Variants in SHISA9 observed in about 807,000 individuals in gnomAD.
SHISA9 encodes the protein shisa family member 9.
A neutral mutation model predicts 38.0 loss-of-function variants in SHISA9; 13 were observed. The ratio of observed to expected loss-of-function variants is 0.34; its 90% CI spans 0.22 to 0.54. The LOEUF (loss-of-function observed/expected upper bound fraction) is 0.54, where lower values mean the gene tolerates loss of function less well. Ranked by LOEUF, SHISA9 falls within the 20% of genes least tolerant of loss-of-function variation. The pLI is 0.91. For missense variants in SHISA9, 538 were observed against 575.8 expected (o/e 0.93, Z 0.67); for synonymous variants, 275 against 242.0 (o/e 1.14, Z -1.27).
the SHISA9 span, among the ~76,000 whole-genome samples, chr16:13,312,276 AACAG>A: frequency 6.6e-6 from 1 of 152,214 alleles, no homozygotes; most frequent in East Asian, 1.9e-4. Context: ...TATTTACAAA[AACAG>A]ACAGTGGGCC....
intron 2 of SHISA9, among the ~76,000 whole-genome samples, chr16:12,983,202 G>C (rs1020685265): frequency 6.6e-6 from 1 of 152,188 alleles, no homozygotes; most frequent in African/African-American, 2.4e-5. Flanking sequence ...GGCCCAGAGA[G>C]CGAAGCTGAG....
chr16:13,026,386 T>C (rs2072922612), intron 2 of SHISA9, among the ~76,000 whole-genome samples: 1 of 152,226 alleles, frequency 6.6e-6, no homozygotes, highest in African/African-American at 2.4e-5. Flanking sequence ...TATCTATGTG[T>C]CTTACGTAAC....
the SHISA9 span, among the ~76,000 whole-genome samples, chr16:13,532,557 A>ATGTGTGTGTG: frequency 0.014 from 2,085 of 150,130 alleles, 35 homozygotes; most frequent in African/African-American, 0.028. Context: ...GCGTGTGTGT[A>ATGTGTGTGTG]TGTGTGTGTG....
rs375822277 is a variant in SHISA9, at chr16:13,183,402, G to A, written c.692-19992G>A. Among the ~76,000 whole-genome samples the A allele has an allele frequency of 1.3e-4, 20 of 152,372 alleles. No individual in the cohort carries two copies. The East Asian group carries it at 3.3e-3, about 25-fold the overall frequency. On this transcript the variant is annotated intron_variant, in intron 2 of 4. Coordinates refer to ENST00000558583, the MANE Select transcript of SHISA9 (RefSeq NM_001145204.3). ...GCAAAGTAATCCATGGCTAGTGTTA[G>A]TAATAGAAGTTATAGTAAACAAGAT...
the SHISA9 span, among the ~76,000 whole-genome samples, chr16:13,373,511 C>G: frequency 6.6e-6 from 1 of 152,126 alleles, no homozygotes; most frequent in African/African-American, 2.4e-5. Flanking sequence ...GCCTGTAATC[C>G]CAGCACTTTG....
At chr16:13,450,877 A>G in the SHISA9 span, among the ~76,000 whole-genome samples, 1 of 152,212 alleles carries the variant, frequency 6.6e-6, no homozygotes, top group South Asian at 2.1e-4. Flanking sequence ...GGCAGGAGGC[A>G]TAGGAATCAT....
chr16:13,516,645 C>T, the SHISA9 span, among the ~76,000 whole-genome samples: 1 of 151,916 alleles, frequency 6.6e-6, no homozygotes, highest in East Asian at 1.9e-4. Context: ...ACTAAAAATA[C>T]AAAAATTAGC....
the SHISA9 span, among the ~76,000 whole-genome samples, chr16:13,396,334 C>G: frequency 6.6e-6 from 1 of 152,184 alleles, no homozygotes; most frequent in African/African-American, 2.4e-5. Context: ...TGGCGAAACC[C>G]CATCTCTACT....
Position 12,969,921 on chromosome 16 carries a change from G to T in SHISA9, c.691+53106G>T, listed in dbSNP as rs116991662. 5.8e-3 allele frequency among the ~76,000 whole-genome samples: 881 copies of T among 152,074 alleles called. 7 individuals carry two copies. Among genetic ancestry groups the T allele is most frequent in the Middle Eastern group, 0.034 (10 of 294 alleles). On this transcript the variant is annotated intron_variant, in intron 2 of 4. Transcript: ENST00000558583. ...AAAACAATATAGTAAACTGTTTAGG[G>T]ACCATGTCACAGATCTAAAAGATAT... is the stretch of plus-strand genomic sequence containing the variant.
At chr16:13,502,014 AT>A in the SHISA9 span, among the ~76,000 whole-genome samples, 2 of 152,018 alleles carry the variant, frequency 1.3e-5, no homozygotes, top group Admixed American at 6.6e-5. Flanking sequence ...AAAAAAAAAA[AT>A]TGCTGAAAGA....
the SHISA9 span, among the ~76,000 whole-genome samples, chr16:13,356,560 A>G: frequency 6.6e-6 from 1 of 152,088 alleles, no homozygotes; most frequent in Non-Finnish European, 1.5e-5. Context: ...TAAAAAGATT[A>G]TAGGGTGGAG....
intron 2 of SHISA9, among the ~76,000 whole-genome samples, chr16:13,046,421 C>T (rs1355968409): frequency 3.3e-5 from 5 of 149,306 alleles, no homozygotes; most frequent in Non-Finnish European, 7.6e-5. Context: ...TTGGGCCTGC[C>T]CTGGGGAAAG....
At chr16:12,921,547 AG>A (rs1200244411) in intron 2 of SHISA9, among the ~76,000 whole-genome samples, 1 of 152,202 alleles carries the variant, frequency 6.6e-6, no homozygotes, top group African/African-American at 2.4e-5. Context: ...GGATCGTTTG[AG>A]GTCAGGAGTT....
At chr16:13,497,571 G>C in the SHISA9 span, among the ~76,000 whole-genome samples, 1 of 151,632 alleles carries the variant, frequency 6.6e-6, no homozygotes, top group East Asian at 1.9e-4. Context: ...TGTAGTCCCA[G>C]CTACTCAGGA....
chr16:13,294,564 C>T, the SHISA9 span, among the ~76,000 whole-genome samples: 2 of 152,190 alleles, frequency 1.3e-5, no homozygotes. Flanking sequence ...AGTCACATGG[C>T]CACATCAGGG....
At chr16:13,465,218 C>T in the SHISA9 span, among the ~76,000 whole-genome samples, 1 of 152,228 alleles carries the variant, frequency 6.6e-6, no homozygotes, top group African/African-American at 2.4e-5. Flanking sequence ...CAGCAGCCCT[C>T]TGCCCAAACT....
chr16:13,063,296 G>C (rs1306775959), intron 2 of SHISA9, among the ~76,000 whole-genome samples: 1 of 152,044 alleles, frequency 6.6e-6, no homozygotes, highest in Non-Finnish European at 1.5e-5. Context: ...GTGAGCCACT[G>C]CACCTGGCCC....
chr16:13,097,422 AT>A (rs11318129), intron 2 of SHISA9, among the ~76,000 whole-genome samples: 12,845 of 144,762 alleles, frequency 0.089, 737 homozygotes, highest in Admixed American at 0.16. Context: ...TCTGATCAGT[AT>A]TTTTTTTTTT....
intron 2 of SHISA9, among the ~76,000 whole-genome samples, chr16:13,139,693 C>T (rs2050382642): frequency 6.6e-6 from 1 of 152,064 alleles, no homozygotes; most frequent in Non-Finnish European, 1.5e-5. Flanking sequence ...TCGTAAAATT[C>T]AGTTTCCAAA....
Sources: allele counts gnomAD v4.1 joint callset (sites outside exome capture counted in the v4.1 genomes callset), GRCh38; gene constraint gnomAD v4.1.1; transcripts MANE v1.5; gene names NCBI Gene and HGNC (gene_info 2026-07-23, HGNC 2026-07-21).